The following KCNS1 variants were observed in gnomAD, a reference collection of about 807,000 sequenced individuals.
KCNS1 encodes the protein delayed-rectifier potassium channel regulatory subunit KCNS1.
Under a neutral mutation model 33.1 loss-of-function variants are expected in KCNS1, and 26 were observed. The observed-to-expected ratio is 0.79, with a 90% CI of 0.58 to 1.09. The LOEUF is 1.09. KCNS1 is among the 50% of genes least tolerant of loss of function. The pLI is 0.00. For missense variants in KCNS1, 702 were observed against 752.4 expected, an observed-to-expected ratio of 0.93 and a Z score of 0.78; for synonymous variants, 299 against 338.8, an observed-to-expected ratio of 0.88 and a Z score of 1.29.
Position 45,097,893 on chromosome 20 carries a change from C to CAGCAGG in KCNS1, c.873_878dup (p.Leu292_Leu293dup). ...AGAAGAAGTTGCGCGTACTGGGCGC[C>CAGCAGG]AGCAGGAGGCGCGACGACACCTCGA... is the stretch of plus-strand genomic sequence containing the variant. On this transcript the variant is annotated inframe_insertion, in exon 3 of 4. Transcript: ENST00000537075. The CAGCAGG allele has an allele frequency of 6.2e-7, 1 of 1,609,566 alleles. No homozygotes were observed. The highest frequency in any genetic ancestry group is 8.5e-7 in the Non-Finnish European group (1 of 1,178,174).
Position 45,098,847 on chromosome 20 carries a change from G to T in KCNS1, c.77-152C>A, listed in dbSNP as rs2145515512. 1.3e-6 allele frequency: 1 copy of T among 779,526 alleles called. No homozygotes were observed. The allele number at this position is 779,526 out of a possible 1,614,324, so 48.3% of individuals were successfully genotyped here. ...GCAGGAGGCGCTCAGTAGATGTCAG[G>T]TGCCCTCTGGACTCAGAGTCAGGCC... On this transcript the variant is annotated intron_variant, in intron 2 of 3. Coordinates refer to ENST00000537075, the MANE Select transcript of KCNS1 (RefSeq NM_001322799.2). This position sits in a 1 kb window ranked among gnomAD's most constrained non-coding sequence, Gnocchi z 5.2.
rs547228452 is a variant in KCNS1, at chr20:45,094,810, C to G, written c.*60G>C. On this transcript the variant is annotated 3_prime_UTR_variant, in exon 4 of 4. Transcript: ENST00000537075. ...CTGGGAGGCTCACTACCATGAAGAA[C>G]TTTAGCAGGGGAGGAATCTCTACTG... 1 of 1,391,600 alleles carries G rather than the reference C, an allele frequency of 7.2e-7. No homozygotes were observed. Among genetic ancestry groups the G allele is most frequent in the East Asian group, 2.3e-5 (1 of 43,600 alleles). The allele number at this position is 1,391,600 out of a possible 1,614,324, so 86.2% of individuals were successfully genotyped here.
In KCNS1 at chr20:45,098,432, G is replaced by C. The variant is rs1287546912; in HGVS notation, c.340C>G (p.Leu114Val). 6.3e-7 allele frequency: 1 copy of C among 1,595,754 alleles called. No individual in the cohort carries two copies. The highest frequency in any genetic ancestry group is 8.5e-7 in the Non-Finnish European group (1 of 1,171,762). Residue 114 changes from leucine (L) to valine (V), a missense_variant, in exon 3 of 4, where the codon CTG (leucine) becomes GTG (valine). By Grantham distance (32) the Leu-to-Val change is conservative. Coordinates refer to ENST00000537075, the MANE Select transcript of KCNS1 (RefSeq NM_001322799.2). The surrounding 1 kb of genome is among the most constrained non-coding windows in gnomAD (Gnocchi z 5.2). ...FDRHPGFFLS[L>V]LHFYRTGHLH... is the part of the protein sequence containing the mutation. ...TGGCCAGTGCGGTAGAAGTGCAGCA[G>C]GCTCAGGAAGAAGCCCGGGTGCCGG...
rs765123903 is a variant in KCNS1, at chr20:45,095,179, A to T, written c.1272T>A (p.Tyr424Ter). ...WGTVSMTTVG[Y>*]GDVVPVTVAG... is the part of the protein sequence containing the mutation. ...CCACCGTCACTGGCACCACATCCCCATAGCCCACGGTGGTCATGCTCACTG... is the reference window on the plus strand; with the variant it reads ...CCACCGTCACTGGCACCACATCCCCTTAGCCCACGGTGGTCATGCTCACTG... The change falls in exon 4 of 4, where the codon TAT becomes TAA. Residue 424 changes from tyrosine (Y) to a stop codon, truncating the protein, a stop_gained. Transcript: ENST00000537075. LOFTEE classifies it high-confidence loss of function. 1.9e-6 allele frequency: 3 copies of T among 1,614,080 alleles called. No individual in the cohort carries two copies. The highest frequency in any genetic ancestry group is 2.5e-6 in the Non-Finnish European group (3 of 1,180,020).
rs567587872 is a variant in KCNS1, at chr20:45,097,328, A to G, written c.1110+334T>C. On this transcript the variant is annotated intron_variant, in intron 3 of 3. Transcript: ENST00000537075. ...AGCCAGTTAGCATCCTGCTTTGCGC[A>G]TCTTTGTGATATATATAATTTGATG... is the stretch of plus-strand genomic sequence containing the variant. 2.0e-5 allele frequency among the ~76,000 whole-genome samples: 3 copies of G among 152,402 alleles called. No homozygotes were observed. In the South Asian group the frequency reaches 6.2e-4, roughly 32 times the overall value.
At position 45,097,841 on chromosome 20, in the gene KCNS1, C is replaced by T. The variant is rs1981238579; in HGVS notation, c.931G>A (p.Val311Met). The T allele has an allele frequency of 6.2e-7, 1 of 1,613,672 alleles. No homozygotes were observed. Among genetic ancestry groups the T allele is most frequent in the Non-Finnish European group, 8.5e-7 (1 of 1,179,930 alleles). ...FCHPLNLIDI[V>M]SVLPFYLTLL... ...GTGAGATAGAAGGGCAGCACAGACA[C>T]AATGTCGATGAGGTTGAGCGGGTGG... The change falls in exon 3 of 4, where the codon GTG becomes ATG. Residue 311 changes from valine to methionine, a missense_variant. Val to Met is a conservative substitution (Grantham distance 21). This residue lies in a region of KCNS1 where 253 missense variants were observed against 327.4 expected (regional missense o/e 0.77). Transcript: ENST00000537075.
chr20:45,099,726 T>C (rs1235746545), intron 1 of KCNS1, among the ~76,000 whole-genome samples: 1 of 152,168 alleles, frequency 6.6e-6, no homozygotes, highest in African/African-American at 2.4e-5. Flanking sequence ...CCTCCAGGGA[T>C]GACTGGAGGA....
intron 3 of KCNS1, among the ~76,000 whole-genome samples, chr20:45,095,935 G>C (rs1321609920): frequency 1.3e-5 from 2 of 150,048 alleles, no homozygotes; most frequent in African/African-American, 4.9e-5. Context: ...AACGTCTAGA[G>C]ACATTTTTGG....
At position 45,097,720 on chromosome 20, in the gene KCNS1, C is replaced by T. The variant is rs1481433754; in HGVS notation, c.1052G>A (p.Arg351His). 4.3e-6 allele frequency: 7 copies of T among 1,611,822 alleles called. No homozygotes were observed. In the South Asian group the frequency reaches 6.6e-5, roughly 15 times the overall value. Residue 351 changes from arginine to histidine, a missense_variant, in exon 3 of 4, where the codon CGC (arginine) becomes CAC (histidine). By Grantham distance (29) the Arg-to-His change is conservative. This residue lies in a region of KCNS1 where 253 missense variants were observed against 327.4 expected (regional missense o/e 0.77). Transcript: ENST00000537075. ...VQVFRLMRIF[R>H]VLKLARHSTG... ...GGAATGGCGCGCCAACTTGAGTACG[C>T]GGAAGATGCGCATGAGGCGGAACAC...
In KCNS1 at chr20:45,098,031, G is replaced by A. The variant is rs1446573841; in HGVS notation, c.741C>T (p.Ala247=). The change falls in exon 3 of 4, where the codon GCC becomes GCT. Residue 247 remains alanine (A), a synonymous_variant. Transcript: ENST00000537075. This position sits in a 1 kb window ranked among gnomAD's most constrained non-coding sequence, Gnocchi z 5.2. The part of the protein sequence containing the change: ...MCIHSLPEYQ[A]REAAAAVAAV... The stretch of plus-strand genomic sequence containing the variant: ...CAGCCACGGCGGCCGCCGCCTCGCG[G>A]GCCTGGTACTCGGGCAGGCTGTGGA... 3.3e-6 allele frequency: 5 copies of A among 1,517,240 alleles called. No individual in the cohort carries two copies. The highest frequency in any genetic ancestry group is 4.4e-6 in the Non-Finnish European group (5 of 1,135,416). The allele number at this position is 1,517,240 out of a possible 1,614,324, so 94.0% of individuals were successfully genotyped here.
At chr20:45,097,220 G>C (rs969457566) in intron 3 of KCNS1, among the ~76,000 whole-genome samples, 3 of 152,216 alleles carry the variant, frequency 2.0e-5, no homozygotes, top group African/African-American at 7.2e-5. Context: ...AGCTCCTGGG[G>C]CTATTCCTAG....
Position 45,099,149 on chromosome 20 carries a change from A to C in KCNS1, c.76+12T>G. On this transcript the variant is annotated intron_variant, in intron 2 of 3. Transcript: ENST00000537075. ...CCTGTTTCTTCTGCAAAATGAGGAT[A>C]GTAACACTTACCTCCTAGGGGTGTT... The C allele has an allele frequency of 6.4e-7, 1 of 1,551,024 alleles. No individual in the cohort carries two copies. The highest frequency in any genetic ancestry group is 8.7e-7 in the Non-Finnish European group (1 of 1,146,694).
chr20:45,099,103 T>G, intron 2 of KCNS1, 58 bp downstream of exon 2: 2 of 1,542,510 alleles, frequency 1.3e-6, no homozygotes, highest in Non-Finnish European at 1.8e-6. Flanking sequence ...TGTGGGATCT[T>G]GGGCCCGCCA....
rs1981378905 is a variant in KCNS1, at chr20:45,101,109, T to C, written c.-192A>G. The C allele has an allele frequency of 6.6e-6, 1 of 152,336 alleles. No individual in the cohort carries two copies. The highest frequency in any genetic ancestry group is 6.5e-5 in the Admixed American group (1 of 15,288). 9.4% of individuals were successfully genotyped at this position (152,336 alleles called of 1,614,324 possible). A position where few individuals can be genotyped will look rare whatever the true frequency, so the allele number is the denominator to read the frequency against. On this transcript the variant is annotated 5_prime_UTR_variant, in exon 1 of 4. Transcript: ENST00000537075. ...CGCGGCTGAAGGCCGCATCGATCGC[T>C]GCCGGAGGAGGGAGTGAGGCCGCTG...
In KCNS1 at chr20:45,098,390, C is replaced by A; in HGVS notation, c.382G>T (p.Glu128Ter). 1 of 1,590,378 alleles carries A rather than the reference C, an allele frequency of 6.3e-7. No homozygotes were observed. The highest frequency in any genetic ancestry group is 8.6e-7 in the Non-Finnish European group (1 of 1,168,880). Residue 128 changes from glutamate (E) to a stop codon, truncating the protein, a stop_gained, in exon 3 of 4, where the codon GAG becomes TAG. Coordinates refer to ENST00000537075, the MANE Select transcript of KCNS1 (RefSeq NM_001322799.2). LOFTEE classifies it high-confidence loss of function. This position sits in a 1 kb window ranked among gnomAD's most constrained non-coding sequence, Gnocchi z 5.2. ...TGGCCAAAGGCGAAGACGCACAGCT[C>A]GTCGAGCACGTGCAGGTGGCCAGTG... ...YRTGHLHVLD[E>*]LCVFAFGQEA...
At chr20:45,099,623 G>C (rs1981329575) in intron 1 of KCNS1, among the ~76,000 whole-genome samples, 1 of 152,086 alleles carries the variant, frequency 6.6e-6, no homozygotes. Flanking sequence ...GGCAAACCTG[G>C]GTTTATCTCC....
Position 45,099,176 on chromosome 20 carries a change from G to C in KCNS1, c.61C>G (p.Pro21Ala). ...YENLRSKVVL[P>A]TPLGGRSTET... ...TAACACTTACCTCCTAGGGGTGTTG[G>C]CAGCACCACTTTAGACCGGAGGTTC... Residue 21 changes from proline (P) to alanine (A), a missense_variant, in exon 2 of 4, where the codon CCA becomes GCA. Pro to Ala is a conservative substitution (Grantham distance 27). This residue lies in a region of KCNS1 where 374 missense variants were observed against 352.3 expected (regional missense o/e 1.06). Coordinates refer to ENST00000537075, the MANE Select transcript of KCNS1 (RefSeq NM_001322799.2). 8 of 1,551,520 alleles carry C rather than the reference G, an allele frequency of 5.2e-6. No individual in the cohort carries two copies. The highest frequency in any genetic ancestry group is 7.0e-6 in the Non-Finnish European group (8 of 1,146,852).
rs979982183 is a variant in KCNS1, at chr20:45,092,039, CAGTT to C, written c.*2827_*2830del. ...AATAAATTCATTTTTTGCTTGATGT[CAGTT>C]TGTTGCTTATACCCTCAAACTCTAA... On this transcript the variant is annotated 3_prime_UTR_variant, in exon 4 of 4. Coordinates refer to ENST00000537075, the MANE Select transcript of KCNS1 (RefSeq NM_001322799.2). Among the ~76,000 whole-genome samples the C allele has an allele frequency of 4.6e-5, 7 of 152,146 alleles. No homozygotes were observed. The highest frequency in any genetic ancestry group is 2.1e-4 in the South Asian group (1 of 4,830).
At chr20:45,099,071 T>C (rs925495537) in intron 2 of KCNS1, 90 bp downstream of exon 2, 1 of 1,431,990 alleles carries the variant, frequency 7.0e-7, no homozygotes. Context: ...CAAACTTGGA[T>C]TTATTTACAC....
Sources: allele counts gnomAD v4.1 joint callset (sites outside exome capture counted in the v4.1 genomes callset), GRCh38; gene constraint gnomAD v4.1.1; regional missense constraint gnomAD v4.1.1; non-coding constraint Gnocchi (gnomAD v3.1); transcripts MANE v1.5; gene names NCBI Gene and HGNC (gene_info 2026-07-23, HGNC 2026-07-21).